The following GRIN2B variants were observed in gnomAD, a reference collection of about 807,000 sequenced individuals.
The protein encoded by GRIN2B is glutamate receptor ionotropic, NMDA 2B.
A neutral mutation model predicts 114.5 loss-of-function variants in GRIN2B; 5 were observed. That is an observed-to-expected ratio of 0.04 (90% CI 0.02 to 0.09). The LOEUF is 0.09. Among genes scored for constraint, GRIN2B ranks in the 10% least tolerant of loss-of-function variants. The pLI is 1.00. For synonymous variants in GRIN2B, 787 were observed against 745.1 expected (o/e 1.06, Z -0.92); for missense variants, 1,108 against 1,943.5 (o/e 0.57, Z 8.08).
At position 13,551,151 on chromosome 12, in the gene GRIN2B, T is replaced by G. The variant is rs1948407308; in HGVS notation, c.*11632A>C. 6.6e-6 allele frequency: 1 copy of G among 152,084 alleles called. No individual in the cohort carries two copies. The highest frequency in any genetic ancestry group is 1.5e-5 in the Non-Finnish European group (1 of 67,996). 9.4% of individuals were successfully genotyped at this position (152,084 alleles called of 1,614,324 possible). On this transcript the variant is annotated 3_prime_UTR_variant, in exon 14 of 14. Coordinates refer to ENST00000609686, the MANE Select transcript of GRIN2B (RefSeq NM_000834.5). ...CCTGGGAGAGAGAGAACAGATAAAT[T>G]ATTGAATCCGTGAAGGCATTTATCC...
chr12:13,944,384 C>T (rs536287911), intron 2 of GRIN2B, among the ~76,000 whole-genome samples: 1 of 152,106 alleles, frequency 6.6e-6, no homozygotes, highest in Non-Finnish European at 1.5e-5. Context: ...TTGTCCATGC[C>T]CCAAGGTAGC....
At chr12:13,675,085 A>G (rs1950059924) in intron 5 of GRIN2B, among the ~76,000 whole-genome samples, 1 of 152,196 alleles carries the variant, frequency 6.6e-6, no homozygotes, top group Non-Finnish European at 1.5e-5. Flanking sequence ...ACTATGAACC[A>G]GGCAACTTTC....
rs570662528 is a variant in GRIN2B at position 13,576,822 on chromosome 12, G to A, written c.2011-4858C>T. Among the ~76,000 whole-genome samples the A allele has an allele frequency of 8.0e-4, 122 of 152,310 alleles. No individual in the cohort carries two copies. The South Asian group carries it at 0.01, about 13-fold the overall frequency. Reference sequence around the variant, plus strand: ...CTCTGCTCGGCCTCCCAAGGTGCTAGGGTTACAGGCGAGAGCCACCATGCT... The same window carrying A: ...CTCTGCTCGGCCTCCCAAGGTGCTAAGGTTACAGGCGAGAGCCACCATGCT... On this transcript the variant is annotated intron_variant, in intron 10 of 13. Transcript: ENST00000609686.
At chr12:13,940,896 T>G (rs1470362552) in intron 2 of GRIN2B, among the ~76,000 whole-genome samples, 1 of 149,162 alleles carries the variant, frequency 6.7e-6, no homozygotes, top group Non-Finnish European at 1.5e-5. Flanking sequence ...CCTTCCAACA[T>G]GATGATTGAA....
chr12:13,809,340 C>T (rs1471759848), intron 3 of GRIN2B, among the ~76,000 whole-genome samples: 2 of 152,182 alleles, frequency 1.3e-5, no homozygotes, highest in Non-Finnish European at 2.9e-5. Context: ...GATCAAGTCC[C>T]AGCCACTTTG....
At position 13,876,349 on chromosome 12, in the gene GRIN2B, A is replaced by G. The variant is rs375221656; in HGVS notation, c.-18-10123T>C. 2.4e-4 allele frequency among the ~76,000 whole-genome samples: 37 copies of G among 152,326 alleles called. No individual in the cohort carries two copies. In the South Asian group the frequency reaches 6.2e-3, roughly 26 times the overall value. ...GCATCTAGCACAATGCAGTTACCTG[A>G]TATTTATTCATTGAATGTGAATATA... On this transcript the variant is annotated intron_variant, in intron 2 of 13. Transcript: ENST00000609686.
At chr12:13,914,590 A>T (rs893213433) in intron 2 of GRIN2B, among the ~76,000 whole-genome samples, 11 of 152,234 alleles carry the variant, frequency 7.2e-5, no homozygotes, top group Non-Finnish European at 1.6e-4. Flanking sequence ...CAAAGAAAGG[A>T]AATCAACATA....
intron 3 of GRIN2B, among the ~76,000 whole-genome samples, chr12:13,775,206 G>C (rs1199168751): frequency 6.6e-6 from 1 of 152,142 alleles, no homozygotes; most frequent in Non-Finnish European, 1.5e-5. Context: ...ATGGAGACAA[G>C]AGCCTCCTAG....
intron 2 of GRIN2B, among the ~76,000 whole-genome samples, chr12:13,979,717 C>T (rs1236139978): frequency 6.6e-6 from 1 of 152,050 alleles, no homozygotes; most frequent in African/African-American, 2.4e-5. Flanking sequence ...CACTGCCCCC[C>T]AAAAGCCCAA....
chr12:13,613,362 C>CTA (rs1462084183), intron 8 of GRIN2B, among the ~76,000 whole-genome samples: 1 of 152,166 alleles, frequency 6.6e-6, no homozygotes, highest in Non-Finnish European at 1.5e-5. Context: ...TTACCACATA[C>CTA]TATATATATA....
intron 11 of GRIN2B, among the ~76,000 whole-genome samples, chr12:13,570,635 T>C (rs1313951723): frequency 7.2e-5 from 11 of 151,990 alleles, no homozygotes; most frequent in Admixed American, 7.2e-4. Context: ...AATTACAGCA[T>C]ATAGTTCCTA....
intron 5 of GRIN2B, among the ~76,000 whole-genome samples, chr12:13,659,597 C>G (rs997737904): frequency 6.6e-6 from 1 of 152,042 alleles, no homozygotes; most frequent in Non-Finnish European, 1.5e-5. Context: ...GTCTCTCTAC[C>G]CCCTTATTTG....
intron 4 of GRIN2B, among the ~76,000 whole-genome samples, chr12:13,734,381 G>T (rs1439461350): frequency 6.6e-6 from 1 of 152,156 alleles, no homozygotes; most frequent in African/African-American, 2.4e-5. Flanking sequence ...ATAAAGAGCA[G>T]TGAGGAATCC....
At chr12:13,863,676 A>C (rs11835020) in intron 3 of GRIN2B, among the ~76,000 whole-genome samples, 8,944 of 152,306 alleles carry the variant, frequency 0.059, 358 homozygotes, top group African/African-American at 0.11. Flanking sequence ...CATCAGCGAA[A>C]AAAAGAGTTC....
chr12:13,745,325 G>A (rs1048459771), intron 4 of GRIN2B, among the ~76,000 whole-genome samples: 2 of 152,154 alleles, frequency 1.3e-5, no homozygotes, highest in Admixed American at 6.5e-5. Flanking sequence ...ATGGAGAAAC[G>A]ACTCCCACTC....
At position 13,726,868 on chromosome 12, in the gene GRIN2B, T is replaced by G. The variant is rs547775386; in HGVS notation, c.1010+26449A>C. On this transcript the variant is annotated intron_variant, in intron 4 of 13. Transcript: ENST00000609686. ...AAGTCCATTGTGTCATTCTTATGCC[T>G]TTGCATCCTCATAGCTTAGCTCCCA... Among the ~76,000 whole-genome samples the G allele has an allele frequency of 1.6e-4, 25 of 152,144 alleles. No individual in the cohort carries two copies. In the South Asian group the frequency reaches 4.6e-3, roughly 28 times the overall value.
intron 3 of GRIN2B, among the ~76,000 whole-genome samples, chr12:13,767,508 C>CA (rs1320214227): frequency 6.6e-6 from 1 of 152,158 alleles, no homozygotes; most frequent in Non-Finnish European, 1.5e-5. Flanking sequence ...TATACACTAG[C>CA]AATGGCGCCC....
chr12:13,570,240 G>C (rs921652898), intron 11 of GRIN2B, among the ~76,000 whole-genome samples: 3 of 152,212 alleles, frequency 2.0e-5, no homozygotes, highest in African/African-American at 7.2e-5. Context: ...CACTGGGAAT[G>C]ATGAGAATGT....
chr12:13,909,408 T>C (rs1866595246), intron 2 of GRIN2B, among the ~76,000 whole-genome samples: 1 of 152,230 alleles, frequency 6.6e-6, no homozygotes, highest in South Asian at 2.1e-4. Flanking sequence ...TTCAGGTTAG[T>C]ACCTCGGGAT....
Sources: allele counts gnomAD v4.1 joint callset (sites outside exome capture counted in the v4.1 genomes callset), GRCh38; gene constraint gnomAD v4.1.1; transcripts MANE v1.5; gene names NCBI Gene and HGNC (gene_info 2026-07-23, HGNC 2026-07-21).